MID2: variants seen among roughly 807,000 people sequenced by gnomAD.
MID2 encodes midline 2, also known as probable E3 ubiquitin-protein ligase MID2.
Under a neutral mutation model 46.1 loss-of-function variants are expected in MID2, and 13 were observed. That is an observed-to-expected ratio of 0.28 (90% CI 0.18 to 0.45). The LOEUF (loss-of-function observed/expected upper bound fraction) is 0.45. Among genes scored for constraint, MID2 ranks in the 20% least tolerant of loss-of-function variants. MID2 has a pLI of 1.00. For missense variants in MID2, 431 were observed against 575.4 expected, an observed-to-expected ratio of 0.75 and a Z score of 2.57; for synonymous variants, 199 against 212.3, an observed-to-expected ratio of 0.94 and a Z score of 0.55.
At chrX:107,860,423 G>A (rs971001840) in intron 3 of MID2, among the ~76,000 whole-genome samples, 18 of 111,862 alleles carry the variant, frequency 1.6e-4, no homozygotes, top group Non-Finnish European at 3.2e-4. Context: ...TGGCTAGCTG[G>A]ATTTAGAGGT....
intron 6 of MID2, among the ~76,000 whole-genome samples, chrX:107,917,227 A>G (rs964903655): frequency 2.7e-5 from 3 of 111,979 alleles, no homozygotes; most frequent in African/African-American, 6.5e-5. Flanking sequence ...TAATGTCTAC[A>G]TAAGTGTTTA....
At chrX:107,866,028 T>C (rs184858361) in intron 3 of MID2, among the ~76,000 whole-genome samples, 101 of 112,525 alleles carry the variant, frequency 9.0e-4, no homozygotes, top group African/African-American at 3.2e-3. Context: ...ATAACAATGC[T>C]ATGTGAAAAG....
At chrX:107,835,683 T>G (rs1931185350) in intron 1 of MID2, among the ~76,000 whole-genome samples, 1 of 111,945 alleles carries the variant, frequency 8.9e-6, no homozygotes, top group Admixed American at 9.5e-5. Context: ...TGAAATCCTT[T>G]GCCTACTATT....
At chrX:107,914,946 G>A (rs2300100) in intron 5 of MID2, among the ~76,000 whole-genome samples, 16 of 112,116 alleles carry the variant, frequency 1.4e-4, no homozygotes, top group East Asian at 2.8e-4. Flanking sequence ...TTTCTCATTC[G>A]CAAAATGGAA....
In MID2 at chrX:107,826,321, G is replaced by A; in HGVS notation, c.-106G>A. On this transcript the variant is annotated 5_prime_UTR_variant, in exon 1 of 10. Coordinates refer to ENST00000262843, the MANE Select transcript of MID2 (RefSeq NM_012216.4). ...AGTGGTAGCGGCGGCGGCGGCGACCGGGGCCCGGGAGCTCGCGCCGGAGCC... is the reference window on the plus strand; with the variant it reads ...AGTGGTAGCGGCGGCGGCGGCGACCAGGGCCCGGGAGCTCGCGCCGGAGCC... The A allele has an allele frequency of 1.0e-6, 1 of 954,953 alleles. No homozygotes were observed. Among genetic ancestry groups the A allele is most frequent in the Non-Finnish European group, 1.4e-6 (1 of 733,222 alleles). 78.7% of individuals were successfully genotyped at this position (954,953 alleles called of 1,213,427 possible).
At chrX:107,888,506 C>T (rs1295722816) in intron 3 of MID2, among the ~76,000 whole-genome samples, 2 of 112,003 alleles carry the variant, frequency 1.8e-5, no homozygotes, top group Admixed American at 1.9e-4. Flanking sequence ...GTTATAATTT[C>T]TGTTCTTTTA....
intron 3 of MID2, among the ~76,000 whole-genome samples, chrX:107,881,936 C>T (rs977497362): frequency 3.2e-4 from 36 of 112,050 alleles, no homozygotes; most frequent in African/African-American, 1.2e-3. Flanking sequence ...AATAACATAA[C>T]GTTTTGGATT....
At position 107,849,348 on chromosome X, in the gene MID2, T is replaced by C. The variant is rs145252587; in HGVS notation, c.721-5261T>C. ...CATGGAGTATGACAAATGGAGATCA[T>C]GGTCCAGTTTGTGCCATAATGGGGT... On this transcript the variant is annotated intron_variant, in intron 2 of 9. Transcript: ENST00000262843. 6.3e-3 allele frequency among the ~76,000 whole-genome samples: 706 copies of C among 111,556 alleles called. 14 individuals are homozygous for C. The highest frequency in any genetic ancestry group is 0.022 in the African/African-American group (684 of 30,653).
intron 3 of MID2, among the ~76,000 whole-genome samples, chrX:107,884,169 A>G (rs998630205): frequency 5.3e-5 from 6 of 112,188 alleles, no homozygotes; most frequent in Non-Finnish European, 1.9e-5. Flanking sequence ...TCAGTTGTAA[A>G]TGATAAACTC....
At chrX:107,911,070 T>C (rs1309710269) in intron 5 of MID2, among the ~76,000 whole-genome samples, 1 of 107,528 alleles carries the variant, frequency 9.3e-6, no homozygotes, top group Non-Finnish European at 1.9e-5. Flanking sequence ...GCCAGGGTGG[T>C]CTCGAACTCC....
chrX:107,872,675 G>A (rs953089378), intron 3 of MID2, among the ~76,000 whole-genome samples: 3 of 111,927 alleles, frequency 2.7e-5, no homozygotes, highest in Non-Finnish European at 5.6e-5. Flanking sequence ...GCTTATAGAG[G>A]GAGAAAGGGA....
intron 3 of MID2, among the ~76,000 whole-genome samples, chrX:107,891,431 C>G (rs768542452): frequency 1.8e-5 from 2 of 109,961 alleles, no homozygotes; most frequent in African/African-American, 3.3e-5. Flanking sequence ...CAGGCATGCG[C>G]CACCATGCCT....
At chrX:107,859,436 C>T (rs963095826) in intron 3 of MID2, among the ~76,000 whole-genome samples, 1 of 111,488 alleles carries the variant, frequency 9.0e-6, no homozygotes, top group Non-Finnish European at 1.9e-5. Context: ...AAATTACTCC[C>T]TCTGGAGAGA....
chrX:107,832,322 A>G (rs1417361630), intron 1 of MID2, among the ~76,000 whole-genome samples: 2 of 111,400 alleles, frequency 1.8e-5, no homozygotes, highest in Non-Finnish European at 3.8e-5. Context: ...CATAACAAAT[A>G]CCATGATCAG....
chrX:107,847,194 T>C (rs1476800883), intron 2 of MID2, among the ~76,000 whole-genome samples: 1 of 112,327 alleles, frequency 8.9e-6, no homozygotes, highest in Non-Finnish European at 1.9e-5. Flanking sequence ...GAACATTCAC[T>C]TTGTTTACTA....
At chrX:107,860,415 G>A (rs1022619502) in intron 3 of MID2, among the ~76,000 whole-genome samples, 1 of 111,781 alleles carries the variant, frequency 8.9e-6, no homozygotes, top group African/African-American at 3.3e-5. Flanking sequence ...TAGAAAGTTG[G>A]CTAGCTGGAT....
At chrX:107,893,862 C>T (rs1235839807) in intron 3 of MID2, among the ~76,000 whole-genome samples, 7 of 112,968 alleles carry the variant, frequency 6.2e-5, no homozygotes, top group Non-Finnish European at 1.3e-4. Flanking sequence ...GCCATCTGTA[C>T]TTTATATGCT....
chrX:107,900,038 T>A (rs1347046876), intron 3 of MID2, among the ~76,000 whole-genome samples: 1 of 111,843 alleles, frequency 8.9e-6, no homozygotes, highest in Non-Finnish European at 1.9e-5. Context: ...CAGAAAACAC[T>A]TAAGGACCCT....
intron 3 of MID2, among the ~76,000 whole-genome samples, chrX:107,892,071 A>G (rs1204047859): frequency 2.7e-5 from 3 of 112,105 alleles, no homozygotes; most frequent in Non-Finnish European, 5.6e-5. Flanking sequence ...TGCTCTGTAT[A>G]TATACAGGGA....
Sources: gnomAD v4.1 joint callset for allele counts (sites outside exome capture counted in the v4.1 genomes callset) on GRCh38, gnomAD v4.1.1 for gene constraint, MANE v1.5 for transcripts, NCBI Gene and HGNC (gene_info 2026-07-23, HGNC 2026-07-21) for gene names.